WWOX: variants seen among roughly 807,000 people sequenced by gnomAD.
WWOX encodes WW domain-containing oxidoreductase.
Under a neutral mutation model 46.2 loss-of-function variants are expected in WWOX, and 69 were observed. The observed-to-expected ratio is 1.49, with a 90% CI of 1.23 to 1.82. The LOEUF (loss-of-function observed/expected upper bound fraction) is 1.82. WWOX is among the 40% of genes most tolerant of loss of function. The pLI is 0.00. For synonymous variants in WWOX, 359 were observed against 202.6 expected, an observed-to-expected ratio of 1.77 and a Z score of -6.56; for missense variants, 919 against 542.6, an observed-to-expected ratio of 1.69 and a Z score of -6.89.
At chr16:78,998,734 A>G (rs1342756909) in intron 8 of WWOX, among the ~76,000 whole-genome samples, 2 of 152,216 alleles carry the variant, frequency 1.3e-5, no homozygotes, top group Admixed American at 6.5e-5. Context: ...TAACTTATAC[A>G]TTGAAAGGTG....
chr16:78,647,328 A>G (rs1350624017), intron 8 of WWOX, among the ~76,000 whole-genome samples: 3 of 152,146 alleles, frequency 2.0e-5, no homozygotes, highest in Non-Finnish European at 4.4e-5. Context: ...ATGAGGAGTA[A>G]CTGAGCTGCA....
At chr16:79,055,319 C>T (rs1476499939) in intron 8 of WWOX, among the ~76,000 whole-genome samples, 1 of 152,202 alleles carries the variant, frequency 6.6e-6, no homozygotes, top group African/African-American at 2.4e-5. Context: ...TTCTTTTCTA[C>T]TCATCTCATT....
At chr16:78,677,816 G>C in intron 8 of WWOX, among the ~76,000 whole-genome samples, 1 of 152,176 alleles carries the variant, frequency 6.6e-6, no homozygotes, top group Non-Finnish European at 1.5e-5. Flanking sequence ...ACATCACATT[G>C]TATTTCCTTT....
rs546391147 is a variant in WWOX, at chr16:78,498,752, G to T, written c.1056+66000G>T. ...CTGTTGCCCAGGCTGGAGTGCAGTG[G>T]CATGATGGCATGATCATAGTTCACT... On this transcript the variant is annotated intron_variant, in intron 8 of 8. Transcript: ENST00000566780. Among the ~76,000 whole-genome samples the T allele has an allele frequency of 7.2e-5, 11 of 152,282 alleles. No homozygotes were observed. In the East Asian group the frequency reaches 1.7e-3, roughly 24 times the overall value.
intron 5 of WWOX, among the ~76,000 whole-genome samples, chr16:78,377,392 A>G (rs137927670): frequency 1.3e-5 from 2 of 152,340 alleles, no homozygotes; most frequent in African/African-American, 4.8e-5. Flanking sequence ...ATATGCCATT[A>G]TAATAAATAT....
At chr16:78,899,072 C>G (rs941179698) in intron 8 of WWOX, 4 of 152,054 alleles carry the variant, frequency 2.6e-5, no homozygotes, top group Admixed American at 2.0e-4. Context: ...ATTTTTATGG[C>G]TTTTGTTTCT....
intron 1 of WWOX, among the ~76,000 whole-genome samples, chr16:78,107,876 C>T (rs547822297): frequency 4.6e-5 from 7 of 152,214 alleles, no homozygotes; most frequent in African/African-American, 1.7e-4. Context: ...TTTGTCCCTA[C>T]ATCGTGGAAT....
chr16:78,371,012 C>G (rs927598543), intron 5 of WWOX, among the ~76,000 whole-genome samples: 37 of 121,642 alleles, frequency 3.0e-4, no homozygotes, highest in African/African-American at 1.1e-3. Context: ...TTTGTCCTTT[C>G]TTTTATTATC....
chr16:78,813,476 G>A (rs947231803), intron 8 of WWOX, among the ~76,000 whole-genome samples: 2 of 152,026 alleles, frequency 1.3e-5, no homozygotes, highest in Non-Finnish European at 2.9e-5. Flanking sequence ...TAATTTCTGG[G>A]GACACATATT....
chr16:78,389,972 C>G (rs1241720778), intron 6 of WWOX, among the ~76,000 whole-genome samples: 1 of 152,132 alleles, frequency 6.6e-6, no homozygotes, highest in African/African-American at 2.4e-5. Flanking sequence ...CTAGTCAACT[C>G]CTGACCTCAA....
intron 5 of WWOX, among the ~76,000 whole-genome samples, chr16:78,250,812 T>A (rs1264606576): frequency 6.6e-6 from 1 of 152,118 alleles, no homozygotes; most frequent in African/African-American, 2.4e-5. Context: ...CATAACCACC[T>A]GCAAATGTCA....
intron 8 of WWOX, among the ~76,000 whole-genome samples, chr16:78,670,071 A>T (rs946636695): frequency 6.6e-6 from 1 of 152,012 alleles, no homozygotes; most frequent in African/African-American, 2.4e-5. Flanking sequence ...AGAATTTTAA[A>T]TTCCTGTTCC....
At chr16:78,604,074 G>A (rs1344380160) in intron 8 of WWOX, among the ~76,000 whole-genome samples, 1 of 152,140 alleles carries the variant, frequency 6.6e-6, no homozygotes, top group Non-Finnish European at 1.5e-5. Context: ...AGCCCGGGAG[G>A]TGGAGGCTGC....
At chr16:78,241,784 T>A (rs188951098) in intron 5 of WWOX, among the ~76,000 whole-genome samples, 1 of 152,156 alleles carries the variant, frequency 6.6e-6, no homozygotes, top group African/African-American at 2.4e-5. Flanking sequence ...ACATCATTGC[T>A]CAGATTCACT....
At chr16:78,582,517 C>T (rs904112988) in intron 8 of WWOX, among the ~76,000 whole-genome samples, 5 of 152,056 alleles carry the variant, frequency 3.3e-5, no homozygotes, top group East Asian at 1.9e-4. Context: ...TTTAAAAATT[C>T]GGATGCATTT....
intron 8 of WWOX, among the ~76,000 whole-genome samples, chr16:79,210,921 C>T (rs182466116): frequency 8.5e-5 from 13 of 152,258 alleles, no homozygotes; most frequent in South Asian, 2.1e-4. Flanking sequence ...ACCCCCTTAC[C>T]TGTGGTCCCA....
At chr16:79,030,431 C>A (rs1379600814) in intron 8 of WWOX, among the ~76,000 whole-genome samples, 2 of 152,156 alleles carry the variant, frequency 1.3e-5, no homozygotes, top group Admixed American at 6.5e-5. Flanking sequence ...CCAAAGTGTT[C>A]TCCAGGATGC....
At position 78,649,719 on chromosome 16, in the gene WWOX, A is replaced by G. The variant is rs114019578; in HGVS notation, c.1056+216967A>G. 3.7e-3 allele frequency among the ~76,000 whole-genome samples: 559 copies of G among 152,256 alleles called. 6 individuals are homozygous for G. The highest frequency in any genetic ancestry group is 0.013 in the African/African-American group (520 of 41,524). ...TATTTGTTACTGTTGTTATGTTATT[A>G]TTTCATGTGTTAAGTCTACAGTGTA... is the stretch of plus-strand genomic sequence containing the variant. On this transcript the variant is annotated intron_variant, in intron 8 of 8. Coordinates refer to ENST00000566780, the MANE Select transcript of WWOX (RefSeq NM_016373.4).
chr16:78,283,952 A>G (rs2079726534), intron 5 of WWOX, among the ~76,000 whole-genome samples: 1 of 152,240 alleles, frequency 6.6e-6, no homozygotes, highest in African/African-American at 2.4e-5. Context: ...CTCACCTCTG[A>G]AGGGTACAGT....
Sources: gnomAD v4.1 joint callset for allele counts (sites outside exome capture counted in the v4.1 genomes callset) on GRCh38, gnomAD v4.1.1 for gene constraint, MANE v1.5 for transcripts, NCBI Gene and HGNC (gene_info 2026-07-23, HGNC 2026-07-21) for gene names.